ELOVL7: variants seen among roughly 807,000 people sequenced by gnomAD.
ELOVL7 encodes ELOVL fatty acid elongase 7.
Under a neutral mutation model 35.7 loss-of-function variants are expected in ELOVL7, and 27 were observed. The observed-to-expected ratio is 0.76, with a 90% CI of 0.56 to 1.04. The LOEUF (loss-of-function observed/expected upper bound fraction) is 1.04. Among genes scored for constraint, ELOVL7 ranks in the 50% least tolerant of loss-of-function variants. ELOVL7 has a pLI of 0.00. For missense variants in ELOVL7, 327 were observed against 340.8 expected, an observed-to-expected ratio of 0.96 and a Z score of 0.32; for synonymous variants, 113 against 114.6, an observed-to-expected ratio of 0.99 and a Z score of 0.09.
chr5:60,762,503 A>G lies in ELOVL7; in HGVS notation c.499+1724T>C, dbSNP rs569284501. 2.0e-5 allele frequency among the ~76,000 whole-genome samples: 3 copies of G among 152,228 alleles called. No individual in the cohort carries two copies. The South Asian group carries it at 6.2e-4, about 32-fold the overall frequency. On this transcript the variant is annotated intron_variant, in intron 7 of 8. Transcript: ENST00000508821. ...ATATTCAATATTTAAAAATTAGAAA[A>G]TATAGAGAAAGGGACGGAAATAAAG...
chr5:60,843,201 A>G (rs1747283880), intron 1 of ELOVL7, among the ~76,000 whole-genome samples: 1 of 152,190 alleles, frequency 6.6e-6, no homozygotes, highest in Admixed American at 6.5e-5. Flanking sequence ...ACTGTTCTTC[A>G]GTCGACGCGG....
Position 60,780,214 on chromosome 5 carries a change from G to C in ELOVL7, c.64+7120C>G, listed in dbSNP as rs528988627. The stretch of plus-strand genomic sequence containing the variant: ...GGCTCACTGCAACCTCTGCCTCCCG[G>C]GTTCAAGTGATTCTCCTGCCTAAGT... On this transcript the variant is annotated intron_variant, in intron 3 of 8. Transcript: ENST00000508821. Among the ~76,000 whole-genome samples the C allele has an allele frequency of 2.6e-3, 387 of 151,116 alleles. 2 individuals are homozygous for C. The highest frequency in any genetic ancestry group is 9.1e-3 in the African/African-American group (375 of 40,988).
At chr5:60,791,291 A>G (rs1743920728) in intron 2 of ELOVL7, among the ~76,000 whole-genome samples, 1 of 152,154 alleles carries the variant, frequency 6.6e-6, no homozygotes, top group African/African-American at 2.4e-5. Context: ...TCAGCCATTT[A>G]TCATTTAGAG....
At chr5:60,791,430 T>G (rs942879871) in intron 2 of ELOVL7, among the ~76,000 whole-genome samples, 4 of 152,190 alleles carry the variant, frequency 2.6e-5, no homozygotes, top group Non-Finnish European at 4.4e-5. Flanking sequence ...ATAGGTACTA[T>G]GTTCACTATA....
At chr5:60,825,678 G>A (rs1242215521) in intron 1 of ELOVL7, among the ~76,000 whole-genome samples, 2 of 152,152 alleles carry the variant, frequency 1.3e-5, no homozygotes, top group African/African-American at 2.4e-5. Context: ...GGAAAGAGCT[G>A]TGATTCAGTT....
At chr5:60,772,528 T>C (rs12696975) in intron 3 of ELOVL7, among the ~76,000 whole-genome samples, 24,781 of 152,186 alleles carry the variant, frequency 0.16, 2,144 homozygotes, top group South Asian at 0.3. Context: ...CAGTCTATGA[T>C]AATTTCTTAA....
intron 1 of ELOVL7, among the ~76,000 whole-genome samples, chr5:60,832,465 A>T (rs924469195): frequency 6.6e-6 from 1 of 151,956 alleles, no homozygotes; most frequent in Admixed American, 6.6e-5. Context: ...TCCTGGGTTC[A>T]AGCAATTCTC....
chr5:60,799,893 C>T (rs946524662), intron 1 of ELOVL7, among the ~76,000 whole-genome samples: 18 of 151,716 alleles, frequency 1.2e-4, no homozygotes, highest in South Asian at 1.0e-3. Flanking sequence ...CAAAATTAGC[C>T]GGGCATGGTG....
intron 2 of ELOVL7, among the ~76,000 whole-genome samples, chr5:60,787,951 C>G (rs894538186): frequency 6.6e-6 from 1 of 151,938 alleles, no homozygotes; most frequent in African/African-American, 2.4e-5. Context: ...CTATAATATC[C>G]AAGGAAAAGC....
At chr5:60,834,690 G>A (rs747383336) in intron 1 of ELOVL7, among the ~76,000 whole-genome samples, 8 of 152,020 alleles carry the variant, frequency 5.3e-5, no homozygotes, top group Admixed American at 1.3e-4. Flanking sequence ...CATTAGTATG[G>A]AATGCTAAGT....
At chr5:60,842,181 T>C (rs1036818106) in intron 1 of ELOVL7, among the ~76,000 whole-genome samples, 2 of 147,748 alleles carry the variant, frequency 1.4e-5, no homozygotes, top group African/African-American at 5.0e-5. Context: ...AGAGGGAGAG[T>C]GGTGAAGAGA....
chr5:60,786,224 T>TGATA (rs1239176963), intron 3 of ELOVL7, among the ~76,000 whole-genome samples: 1 of 152,216 alleles, frequency 6.6e-6, no homozygotes, highest in African/African-American at 2.4e-5. Context: ...TTAGCTTCGA[T>TGATA]GATATCTAAG....
intron 8 of ELOVL7, 116 bp from the exon 9 acceptor site, chr5:60,754,949 C>A: frequency 1.2e-6 from 1 of 808,500 alleles, no homozygotes; most frequent in Non-Finnish European, 1.9e-6. Context: ...GCAAAGAAGT[C>A]CATCTTTAAA....
chr5:60,789,516 T>C (rs1006845420), intron 2 of ELOVL7, among the ~76,000 whole-genome samples: 8 of 152,220 alleles, frequency 5.3e-5, no homozygotes, highest in African/African-American at 1.9e-4. Flanking sequence ...GCATTACTAG[T>C]GGAAGTACAA....
intron 3 of ELOVL7, among the ~76,000 whole-genome samples, chr5:60,777,398 A>T (rs11959142): frequency 0.21 from 31,667 of 151,846 alleles, 3,894 homozygotes; most frequent in Non-Finnish European, 0.28. Flanking sequence ...AAAAATTTTT[A>T]AAAGAAAAAT....
intron 3 of ELOVL7, among the ~76,000 whole-genome samples, chr5:60,784,868 A>G (rs1743477420): frequency 6.6e-6 from 1 of 152,214 alleles, no homozygotes; most frequent in Admixed American, 6.5e-5. Flanking sequence ...TTATGTAAAG[A>G]AAACAATTTT....
chr5:60,798,129 C>G (rs1484022020), intron 2 of ELOVL7, among the ~76,000 whole-genome samples: 5 of 152,122 alleles, frequency 3.3e-5, no homozygotes, highest in Admixed American at 6.5e-5. Context: ...AAGCTGTGCC[C>G]CGACCACCTT....
At chr5:60,833,390 A>T (rs1353033829) in intron 1 of ELOVL7, among the ~76,000 whole-genome samples, 1 of 152,046 alleles carries the variant, frequency 6.6e-6, no homozygotes, top group Non-Finnish European at 1.5e-5. Context: ...CAATTCTCAG[A>T]TCCTTGGGTG....
rs1192373366 is a variant in ELOVL7 at position 60,752,031 on chromosome 5, T to C, written c.*2593A>G. ...GCCCTCAAGGATTCATAGAGATTTATGTAATAAACTAGATTTTGGAACTAT... is the reference window on the plus strand; with the variant it reads ...GCCCTCAAGGATTCATAGAGATTTACGTAATAAACTAGATTTTGGAACTAT... On this transcript the variant is annotated 3_prime_UTR_variant, in exon 9 of 9. Transcript: ENST00000508821. 6.6e-6 allele frequency: 1 copy of C among 152,216 alleles called. No homozygotes were observed. Among genetic ancestry groups the C allele is most frequent in the African/African-American group, 2.4e-5 (1 of 41,460 alleles). The allele number at this position is 152,216 out of a possible 1,614,324, so 9.4% of individuals were successfully genotyped here.
Sources: gnomAD v4.1 joint callset for allele counts (sites outside exome capture counted in the v4.1 genomes callset) on GRCh38, gnomAD v4.1.1 for gene constraint, MANE v1.5 for transcripts, NCBI Gene and HGNC (gene_info 2026-07-23, HGNC 2026-07-21) for gene names.